The following GRAMD1B variants were observed in gnomAD, a reference collection of about 807,000 sequenced individuals.
GRAMD1B encodes protein Aster-B.
GRAMD1B carries 37 observed loss-of-function variants against 99.7 expected under a neutral mutation model. The ratio of observed to expected loss-of-function variants is 0.37; its 90% confidence interval spans 0.29 to 0.49. The LOEUF is 0.49. GRAMD1B is among the 20% of genes least tolerant of loss of function. The pLI, the probability that GRAMD1B is intolerant of heterozygous loss-of-function variation, is 0.98. For missense variants in GRAMD1B, 888 were observed against 1,009.2 expected (o/e 0.88, Z 1.63); for synonymous variants, 427 against 387.6 (o/e 1.10, Z -1.19).
intron 1 of GRAMD1B, chr11:123,458,983 C>T (rs551933683): frequency 1.3e-5 from 2 of 152,190 alleles, no homozygotes; most frequent in African/African-American, 2.4e-5. Flanking sequence ...TAATGCACAC[C>T]GTAATACACA....
chr11:123,578,441 T>G, intron 3 of GRAMD1B: 4 of 1,523,676 alleles, frequency 2.6e-6, no homozygotes, highest in Non-Finnish European at 3.5e-6. Flanking sequence ...GTAAGCCATC[T>G]TTTGTCTCTG....
At chr11:123,461,916 T>C (rs1950434509) in intron 1 of GRAMD1B, among the ~76,000 whole-genome samples, 1 of 149,522 alleles carries the variant, frequency 6.7e-6, no homozygotes, top group African/African-American at 2.4e-5. Flanking sequence ...AAGATAGCTC[T>C]ACTTTCAAGT....
intron 1 of GRAMD1B, among the ~76,000 whole-genome samples, chr11:123,382,951 AG>A (rs1218530081): frequency 2.6e-5 from 4 of 152,160 alleles, no homozygotes; most frequent in Admixed American, 2.6e-4. Flanking sequence ...CTCCCTTGGC[AG>A]GACCCAACCA....
intron 1 of GRAMD1B, among the ~76,000 whole-genome samples, chr11:123,444,651 G>A (rs1565503849): frequency 1.3e-5 from 2 of 152,038 alleles, no homozygotes; most frequent in Non-Finnish European, 2.9e-5. Context: ...TCAGCTGGGG[G>A]TTTTAGAATT....
Position 123,430,609 on chromosome 11 carries a change from C to T in GRAMD1B, c.-184C>T. 2.1e-6 allele frequency: 1 copy of T among 473,618 alleles called. No individual in the cohort carries two copies. The highest frequency in any genetic ancestry group is 3.7e-6 in the Non-Finnish European group (1 of 270,112). 29.3% of individuals were successfully genotyped at this position (473,618 alleles called of 1,614,324 possible). A position where few individuals can be genotyped will look rare whatever the true frequency, so the allele number is the denominator to read the frequency against. On this transcript the variant is annotated 5_prime_UTR_variant, in exon 1 of 20. Transcript: ENST00000635736. ...GCGCTCCGAAAAGTTAGACTCCGGG[C>T]GGCGGCGCGCTACGCCGCGTCCCCT...
intron 1 of GRAMD1B, chr11:123,454,893 T>C (rs1012872202): frequency 1.3e-5 from 2 of 152,236 alleles, no homozygotes; most frequent in Admixed American, 6.5e-5. Flanking sequence ...TGGTTTTACA[T>C]GTCCCCTAAA....
At chr11:123,400,091 A>G (rs1297334807) in intron 1 of GRAMD1B, among the ~76,000 whole-genome samples, 1 of 152,168 alleles carries the variant, frequency 6.6e-6, no homozygotes, top group African/African-American at 2.4e-5. Flanking sequence ...AGTTCCTTGC[A>G]TATTTTCTAT....
chr11:123,508,446 A>G (rs1039854742), intron 2 of GRAMD1B, among the ~76,000 whole-genome samples: 1 of 152,200 alleles, frequency 6.6e-6, no homozygotes, highest in Non-Finnish European at 1.5e-5. Flanking sequence ...TTAAATTTCA[A>G]CATGAGTTTG....
At chr11:123,552,837 G>A (rs899688345) in intron 2 of GRAMD1B, among the ~76,000 whole-genome samples, 1 of 152,162 alleles carries the variant, frequency 6.6e-6, no homozygotes, top group African/African-American at 2.4e-5. Context: ...CTACAGCAAG[G>A]CCTGGCAATA....
At chr11:123,601,277 T>C (rs138811452) in intron 8 of GRAMD1B, among the ~76,000 whole-genome samples, 1 of 151,966 alleles carries the variant, frequency 6.6e-6, no homozygotes, top group Non-Finnish European at 1.5e-5. Flanking sequence ...ACTAGTTGAG[T>C]GTTTAAATGA....
intron 1 of GRAMD1B, among the ~76,000 whole-genome samples, chr11:123,420,541 C>T (rs565562166): frequency 3.3e-5 from 5 of 151,936 alleles, no homozygotes; most frequent in Non-Finnish European, 5.9e-5. Context: ...ATTTAGAATT[C>T]GATACAAACT....
chr11:123,516,377 T>C (rs1282427640), intron 2 of GRAMD1B, among the ~76,000 whole-genome samples: 1 of 152,206 alleles, frequency 6.6e-6, no homozygotes, highest in Non-Finnish European at 1.5e-5. Context: ...TAGGGCGCTG[T>C]TGAGAAAATG....
intron 1 of GRAMD1B, among the ~76,000 whole-genome samples, chr11:123,367,036 T>C (rs1946343095): frequency 1.3e-5 from 2 of 152,248 alleles, no homozygotes; most frequent in South Asian, 2.1e-4. Flanking sequence ...AGATCCTTTC[T>C]CTACAAAAAT....
At chr11:123,479,811 C>T (rs935224493) in intron 1 of GRAMD1B, among the ~76,000 whole-genome samples, 6 of 152,194 alleles carry the variant, frequency 3.9e-5, no homozygotes, top group African/African-American at 1.4e-4. Flanking sequence ...TCCAGTAAAA[C>T]TTCATTTGTG....
chr11:123,431,595 A>G (rs913378196), intron 1 of GRAMD1B, among the ~76,000 whole-genome samples: 2 of 152,256 alleles, frequency 1.3e-5, no homozygotes, highest in Non-Finnish European at 1.5e-5. Context: ...AGAAGGAGAT[A>G]GTAAAAGGCC....
chr11:123,408,313 C>G (rs1449889441), intron 1 of GRAMD1B, among the ~76,000 whole-genome samples: 1 of 152,172 alleles, frequency 6.6e-6, no homozygotes, highest in African/African-American at 2.4e-5. Flanking sequence ...GTGGAGAAAA[C>G]CAGTTGGGAT....
intron 2 of GRAMD1B, among the ~76,000 whole-genome samples, chr11:123,505,333 G>A (rs17127421): frequency 6.6e-6 from 1 of 152,126 alleles, no homozygotes; most frequent in East Asian, 1.9e-4. Context: ...TGCTCAGCTT[G>A]TTTTGATGTC....
chr11:123,405,204 G>T (rs1488080849), intron 1 of GRAMD1B, among the ~76,000 whole-genome samples: 1 of 151,688 alleles, frequency 6.6e-6, no homozygotes, highest in Non-Finnish European at 1.5e-5. Flanking sequence ...GTGTGTGTGT[G>T]TGTGTGTGTG....
chr11:123,433,283 C>T (rs1450054825), intron 1 of GRAMD1B, among the ~76,000 whole-genome samples: 2 of 152,136 alleles, frequency 1.3e-5, no homozygotes, highest in Non-Finnish European at 1.5e-5. Flanking sequence ...GAGGCCAAGG[C>T]GGGAGAATTG....
Sources: gnomAD v4.1 joint callset for allele counts (sites outside exome capture counted in the v4.1 genomes callset) on GRCh38, gnomAD v4.1.1 for gene constraint, MANE v1.5 for transcripts, NCBI Gene and HGNC (gene_info 2026-07-23, HGNC 2026-07-21) for gene names.